Variants in TIMM17A observed in about 807,000 individuals in gnomAD.
TIMM17A encodes the protein translocase of inner mitochondrial membrane 17A.
A neutral mutation model predicts 26.5 loss-of-function variants in TIMM17A; 15 were observed. The observed-to-expected ratio is 0.57, with a 90% CI of 0.38 to 0.87. The LOEUF is 0.87. Among genes scored for constraint, TIMM17A ranks in the 40% least tolerant of loss-of-function variants. TIMM17A has a pLI of 0.00. For synonymous variants in TIMM17A, 80 were observed against 70.8 expected (o/e 1.13, Z -0.66); for missense variants, 201 against 210.0 (o/e 0.96, Z 0.27).
At chr1:201,957,902 C>A (rs1294604413) in intron 3 of TIMM17A, 1 of 208,928 alleles carries the variant, frequency 4.8e-6, no homozygotes, top group African/African-American at 2.4e-5. Flanking sequence ...CTTTGGGAGG[C>A]CGAGGTGGGC....
chr1:201,957,800 A>ATTT (rs11480520), intron 3 of TIMM17A: 561 of 316,336 alleles, frequency 1.8e-3, no homozygotes, highest in Middle Eastern at 5.0e-3. Flanking sequence ...ACACTCGGTG[A>ATTT]TTTTTTTTTT....
intron 3 of TIMM17A, among the ~76,000 whole-genome samples, chr1:201,960,957 T>C (rs1682512199): frequency 6.6e-6 from 1 of 152,054 alleles, no homozygotes; most frequent in Admixed American, 6.6e-5. Flanking sequence ...ACCATATTGG[T>C]CAGGCAGGTC....
intron 4 of TIMM17A, among the ~76,000 whole-genome samples, chr1:201,964,927 C>T (rs540491879): frequency 5.3e-5 from 8 of 151,034 alleles, no homozygotes; most frequent in African/African-American, 1.9e-4. Flanking sequence ...GGATTACGGG[C>T]GTGAGCCACT....
chr1:201,959,383 C>T (rs561238996), intron 3 of TIMM17A, among the ~76,000 whole-genome samples: 7 of 152,012 alleles, frequency 4.6e-5, no homozygotes, highest in African/African-American at 1.4e-4. Flanking sequence ...GGGCTGGGCA[C>T]AGTGGCTCAC....
chr1:201,969,392 C>T, intron 5 of TIMM17A, 77 bp from the exon 6 acceptor site: 5 of 1,160,408 alleles, frequency 4.3e-6, no homozygotes, highest in Non-Finnish European at 5.0e-6. Flanking sequence ...GATTGATTTA[C>T]TCTCTATAGA....
chr1:201,958,007 CAT>C (rs1273477940), intron 3 of TIMM17A: 3 of 158,200 alleles, frequency 1.9e-5, no homozygotes, highest in Admixed American at 6.4e-5. Flanking sequence ...CGTGGTGGCG[CAT>C]GCCTGTAATC....
intron 1 of TIMM17A, 36 bp downstream of exon 1, chr1:201,955,588 C>T (rs1486790967): frequency 6.2e-7 from 1 of 1,613,976 alleles, no homozygotes; most frequent in African/African-American, 1.3e-5. Flanking sequence ...TTCTCTTGCC[C>T]CCCTGCCCAC....
At chr1:201,967,436 T>TCAAA (rs1682654176) in intron 5 of TIMM17A, among the ~76,000 whole-genome samples, 2 of 152,254 alleles carry the variant, frequency 1.3e-5, no homozygotes, top group Admixed American at 6.5e-5. Context: ...TGGATATAGT[T>TCAAA]AACTTAAATA....
intron 3 of TIMM17A, among the ~76,000 whole-genome samples, chr1:201,961,891 A>G (rs1446881166): frequency 2.0e-5 from 3 of 151,758 alleles, no homozygotes; most frequent in Non-Finnish European, 4.4e-5. Context: ...GCCCTTTGTC[A>G]GAGTATACTC....
intron 1 of TIMM17A, 84 bp from the exon 2 acceptor site, chr1:201,957,197 C>T (rs1682428948): frequency 1.2e-6 from 1 of 867,750 alleles, no homozygotes; most frequent in Non-Finnish European, 1.9e-6. Flanking sequence ...TAATCTGTTC[C>T]ATTATAATCC....
In TIMM17A at chr1:201,965,451, T is replaced by C; in HGVS notation, c.338T>C (p.Val113Ala). ...TCTTCAGATGGACCAGTGGCCATGGTTGGGTCAGCCGCAATGGGTGGCATT... is the reference window on the plus strand; with the variant it reads ...TCTTCAGATGGACCAGTGGCCATGGCTGGGTCAGCCGCAATGGGTGGCATT... ...LAARNGPVAM[V>A]GSAAMGGILL... Residue 113 changes from valine (V) to alanine (A), a missense_variant, in exon 5 of 6, where the codon GTT becomes GCT. Val to Ala is a moderately conservative substitution (Grantham distance 64). Transcript: ENST00000367287. The C allele has an allele frequency of 2.5e-6, 4 of 1,613,594 alleles. No homozygotes were observed. The highest frequency in any genetic ancestry group is 3.4e-6 in the Non-Finnish European group (4 of 1,179,450).
chr1:201,961,497 G>A (rs4950745), intron 3 of TIMM17A, among the ~76,000 whole-genome samples: 9,982 of 152,178 alleles, frequency 0.066, 447 homozygotes, highest in Admixed American at 0.13. Context: ...CTAGCTGTGG[G>A]CAGGGCAGCT....
intron 5 of TIMM17A, 22 bp from the exon 6 acceptor site, chr1:201,969,447 C>G: frequency 6.3e-7 from 1 of 1,586,084 alleles, no homozygotes; most frequent in Non-Finnish European, 8.6e-7. Context: ...ATTTTTAAAT[C>G]CTTTTTATTT....
chr1:201,964,648 T>C (rs12043463), intron 4 of TIMM17A, among the ~76,000 whole-genome samples: 11 of 46,472 alleles, frequency 2.4e-4, no homozygotes, highest in East Asian at 1.3e-3. Context: ...TTTTTTTTTT[T>C]TTTTTTTTTT....
intron 1 of TIMM17A, 51 bp downstream of exon 1, chr1:201,955,603 C>T: frequency 6.2e-7 from 1 of 1,613,188 alleles, no homozygotes. Flanking sequence ...GCCCACTGCC[C>T]TCCTTCTCCC....
chr1:201,966,702 C>CCTGTA (rs1327431497), intron 5 of TIMM17A, among the ~76,000 whole-genome samples: 1 of 151,582 alleles, frequency 6.6e-6, no homozygotes, highest in Non-Finnish European at 1.5e-5. Flanking sequence ...ATTAGCAGGG[C>CCTGTA]ATGGTGGCAC....
rs1682610551 is a variant in TIMM17A, at chr1:201,965,418, T to TC, written c.320-15_320-14insC. On this transcript the variant is annotated splice_polypyrimidine_tract_variant and intron_variant, in intron 4 of 5. Coordinates refer to ENST00000367287, the MANE Select transcript of TIMM17A (RefSeq NM_006335.3). ...TTTCTGTAAAAAATAATCTCTTTGTTATTAATGTCTTCAGATGGACCAGTG... is the reference window on the plus strand; with the variant it reads ...TTTCTGTAAAAAATAATCTCTTTGTTCATTAATGTCTTCAGATGGACCAGTG... 6.5e-7 allele frequency: 1 copy of TC among 1,541,480 alleles called. No individual in the cohort carries two copies. The highest frequency in any genetic ancestry group is 1.4e-5 in the African/African-American group (1 of 73,594).
intron 5 of TIMM17A, among the ~76,000 whole-genome samples, chr1:201,968,769 T>G (rs1682681537): frequency 6.6e-6 from 1 of 152,224 alleles, no homozygotes; most frequent in South Asian, 2.1e-4. Flanking sequence ...GTGAAACACT[T>G]TGAAAACTTC....
At chr1:201,968,882 C>CT (rs34417220) in intron 5 of TIMM17A, among the ~76,000 whole-genome samples, 54,951 of 144,386 alleles carry the variant, frequency 0.38, 11,036 homozygotes, top group South Asian at 0.51. Context: ...CCCTAAAAGT[C>CT]TTTTTTTTTT....
Sources: allele counts gnomAD v4.1 joint callset (sites outside exome capture counted in the v4.1 genomes callset), GRCh38; gene constraint gnomAD v4.1.1; transcripts MANE v1.5; gene names NCBI Gene and HGNC (gene_info 2026-07-23, HGNC 2026-07-21).